Variants in PCDHGB5 observed in about 807,000 individuals in gnomAD.
PCDHGB5 encodes the protein protocadherin gamma-B5.
Under a neutral mutation model 62.9 loss-of-function variants are expected in PCDHGB5, and 48 were observed. The observed-to-expected ratio is 0.76, with a 90% CI of 0.61 to 0.97. The LOEUF is 0.97. Among genes scored for constraint, PCDHGB5 ranks in the 50% least tolerant of loss-of-function variants. PCDHGB5 has a pLI of 0.00. For synonymous variants in PCDHGB5, 474 were observed against 511.2 expected (o/e 0.93, Z 0.98); for missense variants, 1,118 against 1,198.6 (o/e 0.93, Z 0.99).
intron 1 of PCDHGB5, among the ~76,000 whole-genome samples, chr5:141,465,041 C>T (rs2099095802): frequency 6.6e-6 from 1 of 151,856 alleles, no homozygotes; most frequent in Non-Finnish European, 1.5e-5. Flanking sequence ...CACAAATGAC[C>T]CTATATATTT....
At chr5:141,494,680 C>A in intron 1 of PCDHGB5, 127 bp from the exon 2 acceptor site, 1 of 1,560,094 alleles carries the variant, frequency 6.4e-7, no homozygotes, top group Non-Finnish European at 8.7e-7. Flanking sequence ...CCACCCCTGC[C>A]CCCTCTTAGT....
intron 1 of PCDHGB5, chr5:141,408,837 T>A: frequency 6.2e-7 from 1 of 1,613,716 alleles, no homozygotes; most frequent in Non-Finnish European, 8.5e-7. Flanking sequence ...AGCTTGATAT[T>A]GACTGCCTTG....
Position 141,494,920 on chromosome 5 carries a change from G to A in PCDHGB5, c.2456+55G>A, listed in dbSNP as rs1329724849. The A allele has an allele frequency of 1.8e-5, 29 of 1,613,680 alleles. No individual in the cohort carries two copies. The East Asian group carries it at 6.5e-4, about 36-fold the overall frequency. On this transcript the variant is annotated intron_variant, in intron 2 of 3. Coordinates refer to ENST00000617380, the MANE Select transcript of PCDHGB5 (RefSeq NM_018925.3). ...TTCTCTGCGGCATTTTCTCAGGGAT[G>A]ACGTGGGAGGAGATGGGGGAGGGCC...
intron 1 of PCDHGB5, among the ~76,000 whole-genome samples, chr5:141,407,776 A>G (rs1248399145): frequency 2.0e-5 from 3 of 152,234 alleles, no homozygotes; most frequent in Non-Finnish European, 4.4e-5. Context: ...TGTGCATAAT[A>G]GATTTATTTA....
At chr5:141,405,385 A>G in intron 1 of PCDHGB5, 1 of 1,600,058 alleles carries the variant, frequency 6.2e-7, no homozygotes, top group Non-Finnish European at 8.5e-7. Flanking sequence ...CGGTGAGTTC[A>G]TTTTTTTTCT....
chr5:141,475,950 C>A, intron 1 of PCDHGB5: 1 of 761,530 alleles, frequency 1.3e-6, no homozygotes, highest in African/African-American at 1.7e-5. Flanking sequence ...CCCCTTTCTG[C>A]GCCCCGGGAT....
intron 2 of PCDHGB5, among the ~76,000 whole-genome samples, chr5:141,498,397 G>A (rs1019408022): frequency 1.3e-5 from 2 of 152,136 alleles, no homozygotes; most frequent in African/African-American, 4.8e-5. Flanking sequence ...GAATGGCAGG[G>A]AGTTTTCTCT....
Position 141,491,834 on chromosome 5 carries a change from CG to C in PCDHGB5, c.2398-2970del. On this transcript the variant is annotated intron_variant, in intron 1 of 3. Transcript: ENST00000617380. This position sits in a 1 kb window ranked among gnomAD's most constrained non-coding sequence, Gnocchi z 6.9. ...CGCTGGCTGCGCTCCACCCGATTCT[CG>C]GGATCATTGGACCGTTTGCGCGAAA... 1 of 1,473,830 alleles carries C rather than the reference CG, an allele frequency of 6.8e-7. No homozygotes were observed. Among genetic ancestry groups the C allele is most frequent in the Middle Eastern group, 1.8e-4 (1 of 5,590 alleles). The allele number at this position is 1,473,830 out of a possible 1,614,324, so 91.3% of individuals were successfully genotyped here.
At chr5:141,461,817 C>A (rs2099023873) in intron 1 of PCDHGB5, among the ~76,000 whole-genome samples, 1 of 150,844 alleles carries the variant, frequency 6.6e-6, no homozygotes, top group South Asian at 2.1e-4. Flanking sequence ...CCACACCCAG[C>A]TAATTTTTTT....
At position 141,433,356 on chromosome 5, in the gene PCDHGB5, T is replaced by A. The variant is rs549297958; in HGVS notation, c.2397+32832T>A. On this transcript the variant is annotated intron_variant, in intron 1 of 3. Transcript: ENST00000617380. ...CTACAGGTGCAAGCCACCTACTGTC[T>A]GCCTATCTATCTATCTATCTATCTA... The A allele has an allele frequency of 8.4e-5, 51 of 607,892 alleles. No homozygotes were observed. The African/African-American group carries it at 9.5e-4, about 11-fold the overall frequency. 37.7% of individuals were successfully genotyped at this position (607,892 alleles called of 1,614,324 possible).
chr5:141,484,375 G>C (rs188702244), intron 1 of PCDHGB5, among the ~76,000 whole-genome samples: 2 of 152,258 alleles, frequency 1.3e-5, no homozygotes, highest in African/African-American at 4.8e-5. Flanking sequence ...ACTAGCAAAT[G>C]TCTGAATAAG....
chr5:141,436,080 T>C (rs755968267), intron 1 of PCDHGB5, among the ~76,000 whole-genome samples: 1 of 152,204 alleles, frequency 6.6e-6, no homozygotes, highest in Admixed American at 6.5e-5. Context: ...CAGTGTTCTA[T>C]AGGTAATATT....
intron 1 of PCDHGB5, among the ~76,000 whole-genome samples, chr5:141,455,899 ATTT>A (rs1561962776): frequency 1.3e-5 from 2 of 148,258 alleles, no homozygotes; most frequent in Non-Finnish European, 3.0e-5. Flanking sequence ...TTATTTATTT[ATTT>A]ATTTATTTAT....
chr5:141,402,451 G>A (rs2094267451), intron 1 of PCDHGB5, among the ~76,000 whole-genome samples: 1 of 152,016 alleles, frequency 6.6e-6, no homozygotes. Context: ...AATTATAATA[G>A]TTTACATATC....
chr5:141,468,860 C>A (rs941902317), intron 1 of PCDHGB5, among the ~76,000 whole-genome samples: 16 of 151,980 alleles, frequency 1.1e-4, no homozygotes, highest in Admixed American at 4.6e-4. Context: ...AGCGAGACTC[C>A]ATCTCAAAAA....
At chr5:141,430,909 G>A (rs1054175762) in intron 1 of PCDHGB5, 2 of 1,607,160 alleles carry the variant, frequency 1.2e-6, no homozygotes, top group Non-Finnish European at 1.7e-6. Context: ...ACATCTCCAG[G>A]GACCTGGGGC....
chr5:141,401,770 T>C (rs975272408), intron 1 of PCDHGB5, among the ~76,000 whole-genome samples: 2 of 152,202 alleles, frequency 1.3e-5, no homozygotes, highest in African/African-American at 4.8e-5. Context: ...TATAAGTCTT[T>C]TGCTTGGTTT....
Position 141,494,864 on chromosome 5 carries a change from G to T in PCDHGB5, c.2455G>T (p.Gly819Cys), listed in dbSNP as rs773899530. 12 of 1,613,950 alleles carry T rather than the reference G, an allele frequency of 7.4e-6. No individual in the cohort carries two copies. Among genetic ancestry groups the T allele is most frequent in the South Asian group, 1.1e-5 (1 of 91,080 alleles). ...TCAGGCCCAGAGACCCGGCACCAGC[G>T]GGTAGGTGACTGATTCTCCAGCCCA... Reference protein sequence around the residue: ...FSQAQRPGTSGSQNGDDTGTW... With the variant: ...FSQAQRPGTSCSQNGDDTGTW... Residue 819 changes from glycine to cysteine, a missense_variant and splice_region_variant, in exon 2 of 4, where the codon GGC becomes TGC. Physicochemically the swap from Gly to Cys is radical, Grantham distance 159 (BLOSUM62 -3). Around this residue, in one of 2 missense-constraint regions of PCDHGB5, gnomAD observed 1,034 missense variants for 1,029.1 expected, o/e 1.00. Coordinates refer to ENST00000617380, the MANE Select transcript of PCDHGB5 (RefSeq NM_018925.3).
At chr5:141,472,113 A>C (rs1296591849) in intron 1 of PCDHGB5, among the ~76,000 whole-genome samples, 1 of 152,260 alleles carries the variant, frequency 6.6e-6, no homozygotes, top group Non-Finnish European at 1.5e-5. Context: ...ATACATAAAG[A>C]AAATAAAAGA....
Sources: gnomAD v4.1 joint callset for allele counts (sites outside exome capture counted in the v4.1 genomes callset) on GRCh38, gnomAD v4.1.1 for gene constraint, gnomAD v4.1.1 regional missense constraint, Gnocchi (gnomAD v3.1) non-coding constraint, MANE v1.5 for transcripts, NCBI Gene and HGNC (gene_info 2026-07-23, HGNC 2026-07-21) for gene names.